Variants in C6 observed in about 807,000 individuals in gnomAD.
The protein encoded by C6 is complement component C6.
A neutral mutation model predicts 112.9 loss-of-function variants in C6; 101 were observed. That is an observed-to-expected ratio of 0.89 (90% CI 0.76 to 1.06). C6 has a LOEUF of 1.06. Ranked by LOEUF, C6 falls within the 50% of genes least tolerant of loss-of-function variation. C6 has a pLI of 0.00. For synonymous variants in C6, 431 were observed against 384.1 expected (o/e 1.12, Z -1.43); for missense variants, 1,202 against 1,104.6 (o/e 1.09, Z -1.25).
intron 1 of C6, among the ~76,000 whole-genome samples, chr5:41,251,340 C>T (rs1741348151): frequency 1.3e-5 from 2 of 152,030 alleles, no homozygotes; most frequent in African/African-American, 4.8e-5. Flanking sequence ...CAAATCATCC[C>T]AGAACCATAT....
intron 4 of C6, among the ~76,000 whole-genome samples, chr5:41,197,421 T>C (rs1362109519): frequency 6.6e-6 from 1 of 152,160 alleles, no homozygotes; most frequent in Non-Finnish European, 1.5e-5. Flanking sequence ...AGAATGGGCA[T>C]TTTAGTTTGA....
In C6 at chr5:41,181,379, T is replaced by C. The variant is rs373785785; in HGVS notation, c.907A>G (p.Ile303Val). ...GATACCTTTTTGTGAGAGGCTTGAATGGCTTGTTTGAAGGCAGAATTATGG... is the reference window on the plus strand; with the variant it reads ...GATACCTTTTTGTGAGAGGCTTGAACGGCTTGTTTGAAGGCAGAATTATGG... ...INHNSAFKQA[I>V]QASHKKDSSF... The change falls in exon 7 of 18, where the codon ATT (isoleucine) becomes GTT (valine). Residue 303 changes from isoleucine to valine, a missense_variant. Transcript: ENST00000337836. 261 of 1,613,750 alleles carry C rather than the reference T, an allele frequency of 1.6e-4. 2 individuals carry two copies. The highest frequency in any genetic ancestry group is 1.4e-3 in the South Asian group (129 of 91,078).
chr5:41,175,640 C>T (rs976201284), intron 8 of C6, among the ~76,000 whole-genome samples: 6 of 152,212 alleles, frequency 3.9e-5, no homozygotes, highest in Non-Finnish European at 8.8e-5. Flanking sequence ...GCTCTGAATG[C>T]ATGAGGATTA....
chr5:41,159,152 G>C lies in C6; in HGVS notation c.1786C>G (p.Arg596Gly), dbSNP rs142881576. ...TCCCCCTCACAGCGTTTCCCTCCTCGTTGGGGGGCAGGATTATTGCATTCT... is the reference window on the plus strand; with the variant it reads ...TCCCCCTCACAGCGTTTCCCTCCTCCTTGGGGGGCAGGATTATTGCATTCT... ...TRECNNPAPQ[R>G]GGKRCEGEKR... The change falls in exon 12 of 18, where the codon CGA becomes GGA. Residue 596 changes from arginine (R) to glycine (G), a missense_variant. Physicochemically the swap from Arg to Gly is moderately radical, Grantham distance 125 (BLOSUM62 -2). Transcript: ENST00000337836. 2 of 1,613,408 alleles carry C rather than the reference G, an allele frequency of 1.2e-6. No individual in the cohort carries two copies. Among genetic ancestry groups the C allele is most frequent in the Non-Finnish European group, 1.7e-6 (2 of 1,179,684 alleles).
intron 4 of C6, among the ~76,000 whole-genome samples, chr5:41,197,841 T>C (rs1750725538): frequency 6.6e-6 from 1 of 152,138 alleles, no homozygotes. Flanking sequence ...CATAAATATA[T>C]TCTATACCAA....
chr5:41,229,626 G>A (rs78500181), intron 1 of C6, among the ~76,000 whole-genome samples: 3,699 of 152,108 alleles, frequency 0.024, 165 homozygotes, highest in African/African-American at 0.084. Flanking sequence ...CGTTCAGTGT[G>A]TGCTTTAGAA....
chr5:41,234,369 T>TG (rs1740117018), intron 1 of C6, among the ~76,000 whole-genome samples: 1 of 150,330 alleles, frequency 6.7e-6, no homozygotes, highest in African/African-American at 2.5e-5. Flanking sequence ...TTTTTGTTTT[T>TG]TTTTTTTGCT....
rs551990119 is a variant in C6 at position 41,185,166 on chromosome 5, C to T, written c.726+904G>A. The stretch of plus-strand genomic sequence containing the variant: ...CAATATATCTTAAGAGCAGTATTAT[C>T]AGTCTTCCCAGAGGTATTCAAATTT... On this transcript the variant is annotated intron_variant, in intron 6 of 17. Coordinates refer to ENST00000337836, the MANE Select transcript of C6 (RefSeq NM_000065.5). Among the ~76,000 whole-genome samples, 4 of 152,172 alleles carry T rather than the reference C, an allele frequency of 2.6e-5. No individual in the cohort carries two copies. In the South Asian group the frequency reaches 8.3e-4, roughly 31 times the overall value.
In C6 at chr5:41,241,557, T is replaced by C. The variant is rs142936054; in HGVS notation, c.-21+19637A>G. ...TCAGAATGGACCACAAGCAGCATGGTTGGAGAACAAGAAAGCAGCAATGTT... is the reference window on the plus strand; with the variant it reads ...TCAGAATGGACCACAAGCAGCATGGCTGGAGAACAAGAAAGCAGCAATGTT... On this transcript the variant is annotated intron_variant, in intron 1 of 17. Coordinates refer to the C6 transcript ENST00000263413. 7.1e-4 allele frequency among the ~76,000 whole-genome samples: 108 copies of C among 152,114 alleles called. 1 individual carries two copies. Among genetic ancestry groups the C allele is most frequent in the East Asian group, 3.9e-3 (20 of 5,158 alleles).
At chr5:41,210,108 C>T (rs2150388220) in intron 1 of C6, among the ~76,000 whole-genome samples, 1 of 152,262 alleles carries the variant, frequency 6.6e-6, no homozygotes, top group East Asian at 1.9e-4. Flanking sequence ...CAAAAACAAG[C>T]AATGGGGAAA....
chr5:41,215,133 C>A (rs1010560688), upstream of C6, among the ~76,000 whole-genome samples: 3 of 152,032 alleles, frequency 2.0e-5, no homozygotes, highest in African/African-American at 7.2e-5. Context: ...GCCTGATGCC[C>A]GTTTTTGTAA....
intron 1 of C6, among the ~76,000 whole-genome samples, chr5:41,249,358 CT>C (rs769751669): frequency 3.9e-5 from 6 of 152,022 alleles, no homozygotes; most frequent in African/African-American, 1.2e-4. Flanking sequence ...CTGAGTATTT[CT>C]TTTTTTCCCA....
intron 5 of C6, among the ~76,000 whole-genome samples, chr5:41,193,409 T>C (rs1750366522): frequency 6.6e-6 from 1 of 152,258 alleles, no homozygotes; most frequent in South Asian, 2.1e-4. Flanking sequence ...AATAATTTAG[T>C]GTTTCACATA....
intron 1 of C6, among the ~76,000 whole-genome samples, chr5:41,238,729 TAGAA>T (rs1252290267): frequency 1.3e-5 from 2 of 152,162 alleles, no homozygotes; most frequent in African/African-American, 2.4e-5. Context: ...AAAGTAGAAT[TAGAA>T]AGATAAAATA....
intron 5 of C6, among the ~76,000 whole-genome samples, chr5:41,193,776 G>T (rs1359285812): frequency 6.7e-6 from 1 of 149,784 alleles, no homozygotes; most frequent in Non-Finnish European, 1.5e-5. Context: ...AGTTAAGAAG[G>T]TCAGCCACTC....
chr5:41,236,839 T>A, intron 1 of C6, among the ~76,000 whole-genome samples: 2 of 121,878 alleles, frequency 1.6e-5, no homozygotes, highest in African/African-American at 3.2e-5. Context: ...GCAAGACTAA[T>A]AAAGAAAAAA....
intron 4 of C6, among the ~76,000 whole-genome samples, chr5:41,197,744 A>C (rs1750719625): frequency 6.6e-6 from 1 of 152,114 alleles, no homozygotes; most frequent in Admixed American, 6.6e-5. Flanking sequence ...ATGTTTAGGA[A>C]TAGGCCTGAT....
intron 1 of C6, among the ~76,000 whole-genome samples, chr5:41,253,252 T>C (rs996973639): frequency 2.0e-5 from 3 of 152,232 alleles, no homozygotes; most frequent in African/African-American, 7.2e-5. Context: ...TTGAGCTCTG[T>C]GGTTTTCACC....
At position 41,213,434 on chromosome 5, in the gene C6, A is replaced by G; in HGVS notation, c.-79T>C. 2 of 985,406 alleles carry G rather than the reference A, an allele frequency of 2.0e-6. No individual in the cohort carries two copies. The highest frequency in any genetic ancestry group is 2.4e-6 in the Non-Finnish European group (2 of 829,926). The allele number at this position is 985,406 out of a possible 1,614,324, so 61.0% of individuals were successfully genotyped here. On this transcript the variant is annotated 5_prime_UTR_variant, in exon 1 of 18. Coordinates refer to ENST00000337836, the MANE Select transcript of C6 (RefSeq NM_000065.5). Reference sequence around the variant, plus strand: ...AGCTGCAAATTATTGGGGAAAAAATAGGTATGCAGAATGAAGAGGGTATAT... The same window carrying G: ...AGCTGCAAATTATTGGGGAAAAAATGGGTATGCAGAATGAAGAGGGTATAT...
Sources: allele counts gnomAD v4.1 joint callset (sites outside exome capture counted in the v4.1 genomes callset), GRCh38; gene constraint gnomAD v4.1.1; transcripts MANE v1.5; gene names NCBI Gene and HGNC (gene_info 2026-07-23, HGNC 2026-07-21).